Variants in GPR89B observed in about 807,000 individuals in gnomAD.
GPR89B encodes G protein-coupled receptor 89B.
A neutral mutation model predicts 52.4 loss-of-function variants in GPR89B; 25 were observed. The observed-to-expected ratio is 0.48, with a 90% confidence interval of 0.35 to 0.67. The LOEUF is 0.67. Ranked by LOEUF, GPR89B falls within the 30% of genes least tolerant of loss-of-function variation. The pLI is 0.01. For synonymous variants in GPR89B, 52 were observed against 151.2 expected, an observed-to-expected ratio of 0.34 and a Z score of 4.81; for missense variants, 146 against 450.2, an observed-to-expected ratio of 0.32 and a Z score of 6.11.
At chr1:147,936,449 A>G (rs1370298059) in intron 1 of GPR89B, among the ~76,000 whole-genome samples, 178 bp from the exon 2 acceptor site, 1 of 152,254 alleles carries the variant, frequency 6.6e-6, no homozygotes, top group East Asian at 1.9e-4. Flanking sequence ...AGGGCATTTA[A>G]AAATTTATTT....
At chr1:148,007,341 C>T in the GPR89B span, among the ~76,000 whole-genome samples, 1 of 152,172 alleles carries the variant, frequency 6.6e-6, no homozygotes, top group African/African-American at 2.4e-5. Context: ...TCCCAAAGTG[C>T]TGGGATTACA....
chr1:147,978,763 A>G (rs1393396112), intron 10 of GPR89B, among the ~76,000 whole-genome samples: 5 of 151,972 alleles, frequency 3.3e-5, no homozygotes, highest in Non-Finnish European at 5.9e-5. Context: ...ACAATCTGCC[A>G]CTACCACTGT....
At chr1:148,009,393 T>C in the GPR89B span, 5 of 1,611,898 alleles carry the variant, frequency 3.1e-6, no homozygotes, top group Non-Finnish European at 4.2e-6. Context: ...CTTCACGAGA[T>C]AGCAGAGCCG....
chr1:147,933,857 A>G (rs1235039143), intron 1 of GPR89B, among the ~76,000 whole-genome samples: 7 of 152,174 alleles, frequency 4.6e-5, no homozygotes, highest in African/African-American at 9.7e-5. Flanking sequence ...CACAGCCACC[A>G]TACCGCTCTA....
chr1:148,003,650 A>T, the GPR89B span: 1 of 595,182 alleles, frequency 1.7e-6, no homozygotes, highest in Non-Finnish European at 3.0e-6. Flanking sequence ...TGTGACATAG[A>T]CGCTGACCCA....
At chr1:147,977,192 C>A (rs1300114401) in intron 10 of GPR89B, among the ~76,000 whole-genome samples, 1,365 of 133,202 alleles carry the variant, frequency 0.01, 28 homozygotes, top group African/African-American at 0.037. Context: ...CGAGACTATG[C>A]CACTGCACTC....
chr1:147,991,581 G>A (rs1283900193), intron 12 of GPR89B, among the ~76,000 whole-genome samples: 1 of 152,060 alleles, frequency 6.6e-6, no homozygotes, highest in Non-Finnish European at 1.5e-5. Flanking sequence ...TATTGGCTGT[G>A]GGTTTGTCAT....
chr1:148,012,809 A>G, the GPR89B span, among the ~76,000 whole-genome samples: 780 of 148,996 alleles, frequency 5.2e-3, 11 homozygotes, highest in Non-Finnish European at 5.2e-3. Flanking sequence ...GCAAAATCTC[A>G]TTAAAAGTGT....
intron 5 of GPR89B, among the ~76,000 whole-genome samples, chr1:147,948,256 A>G (rs1655176888): frequency 6.6e-6 from 1 of 152,204 alleles, no homozygotes; most frequent in Non-Finnish European, 1.5e-5. Flanking sequence ...AAGAGACATC[A>G]TGTAAAGCCC....
At chr1:147,987,178 G>A (rs1658727948) in intron 11 of GPR89B, among the ~76,000 whole-genome samples, 1 of 152,186 alleles carries the variant, frequency 6.6e-6, no homozygotes, top group Non-Finnish European at 1.5e-5. Context: ...CTCTTTGAGT[G>A]TGAAGGAACA....
At chr1:148,006,080 C>G in the GPR89B span, among the ~76,000 whole-genome samples, 1 of 152,222 alleles carries the variant, frequency 6.6e-6, no homozygotes, top group South Asian at 2.1e-4. Context: ...GATCTAAAAT[C>G]ACAGTTATAG....
At chr1:147,956,719 G>A (rs1441457292) in intron 7 of GPR89B, among the ~76,000 whole-genome samples, 2 of 151,718 alleles carry the variant, frequency 1.3e-5, no homozygotes, top group South Asian at 4.1e-4. Flanking sequence ...TGTATTCAAA[G>A]AATGGAATAT....
rs1217996691 is a variant in GPR89B, at chr1:147,986,288, A to G, written c.999A>G (p.Gln333=). The G allele has an allele frequency of 1.3e-5, 21 of 1,611,172 alleles. No homozygotes were observed. The highest frequency in any genetic ancestry group is 5.3e-5 in the African/African-American group (4 of 74,812). ...IEITVNYLGI[Q]FDVKFWSQHI... ...TCACTGTGAATTATCTGGGAATCCA[A>G]TTTGATGTAAGTGTTATATCAAGAT... is the stretch of plus-strand genomic sequence containing the variant. Residue 333 remains glutamine, a synonymous_variant, in exon 11 of 14, where the codon CAA becomes CAG. Coordinates refer to ENST00000314163, the MANE Select transcript of GPR89B (RefSeq NM_016334.5).
At chr1:147,970,931 C>A (rs1429541154) in intron 10 of GPR89B, among the ~76,000 whole-genome samples, 3,974 of 144,374 alleles carry the variant, frequency 0.028, 87 homozygotes, top group African/African-American at 0.046. Context: ...TGTTTGTGCA[C>A]AGAGGAGCTT....
At chr1:147,957,614 T>G (rs1211351028) in intron 7 of GPR89B, among the ~76,000 whole-genome samples, 2 of 151,868 alleles carry the variant, frequency 1.3e-5, no homozygotes, top group African/African-American at 2.4e-5. Context: ...TGAAGCTTAT[T>G]AGTCTACTCT....
intron 8 of GPR89B, chr1:147,968,207 T>A (rs1657170079): frequency 6.6e-6 from 3 of 452,482 alleles, no homozygotes; most frequent in South Asian, 4.7e-5. Flanking sequence ...TAACTCTACC[T>A]GATTGAGTTC....
At chr1:147,993,748 T>C (rs1319183006), downstream of GPR89B, 3 of 149,648 alleles carry the variant, frequency 2.0e-5, no homozygotes, top group Non-Finnish European at 4.4e-5. Flanking sequence ...ATTTTATTAC[T>C]AAGGTCTTAT....
intron 1 of GPR89B, among the ~76,000 whole-genome samples, chr1:147,934,001 C>T (rs6680904): frequency 6.6e-6 from 1 of 151,208 alleles, no homozygotes; most frequent in African/African-American, 2.4e-5. Flanking sequence ...CCTGTCTAGC[C>T]TCATTTTTAA....
At chr1:148,009,527 A>G in the GPR89B span, 31 of 1,576,328 alleles carry the variant, frequency 2.0e-5, no homozygotes, top group Non-Finnish European at 2.3e-5. Context: ...CTGCTTTCTC[A>G]TAGGAATCCC....
Sources: allele counts gnomAD v4.1 joint callset (sites outside exome capture counted in the v4.1 genomes callset), GRCh38; gene constraint gnomAD v4.1.1; transcripts MANE v1.5; gene names NCBI Gene and HGNC (gene_info 2026-07-23, HGNC 2026-07-21).